The following EPB41L4A variants were observed in gnomAD, a reference collection of about 807,000 sequenced individuals.
EPB41L4A encodes the protein erythrocyte membrane protein band 4.1 like 4A.
A neutral mutation model predicts 108.6 loss-of-function variants in EPB41L4A; 100 were observed. That is an observed-to-expected ratio of 0.92 (90% CI 0.78 to 1.09). EPB41L4A has a LOEUF of 1.09. Among genes scored for constraint, EPB41L4A ranks in the 50% least tolerant of loss-of-function variants. The probability of loss-of-function intolerance (pLI) is 0.00; values close to 1 mark genes in which losing one functional copy is unlikely to be tolerated. For synonymous variants in EPB41L4A, 319 were observed against 289.0 expected (o/e 1.10, Z -1.05); for missense variants, 1,030 against 842.7 (o/e 1.22, Z -2.75).
At chr5:112,299,371 T>G (rs1228757811) in intron 2 of EPB41L4A, among the ~76,000 whole-genome samples, 2 of 152,236 alleles carry the variant, frequency 1.3e-5, no homozygotes, top group Non-Finnish European at 2.9e-5. Context: ...TTGAAGAATT[T>G]TTTCCACTAT....
chr5:112,212,572 G>C (rs1187979147), intron 12 of EPB41L4A, among the ~76,000 whole-genome samples: 1 of 152,192 alleles, frequency 6.6e-6, no homozygotes, highest in East Asian at 1.9e-4. Flanking sequence ...TGGGATTACA[G>C]GTGTGAGCCA....
chr5:112,200,267 T>A (rs944395903), intron 15 of EPB41L4A, among the ~76,000 whole-genome samples: 1 of 152,180 alleles, frequency 6.6e-6, no homozygotes, highest in Non-Finnish European at 1.5e-5. Context: ...GGCGCAAGCA[T>A]CCAACCTCAG....
intron 1 of EPB41L4A, among the ~76,000 whole-genome samples, chr5:112,319,017 C>T (rs1755596691): frequency 6.6e-6 from 1 of 152,150 alleles, no homozygotes; most frequent in South Asian, 2.1e-4. Flanking sequence ...AACAGAGCAA[C>T]AACACCTCAA....
intron 12 of EPB41L4A, chr5:112,146,116 C>T (rs567624513): frequency 1.1e-5 from 4 of 363,662 alleles, no homozygotes; most frequent in Admixed American, 7.6e-5. Context: ...CTTACAGAAT[C>T]GAGACCACAT....
chr5:112,349,154 G>A (rs1048591172), intron 1 of EPB41L4A, among the ~76,000 whole-genome samples: 3 of 152,204 alleles, frequency 2.0e-5, no homozygotes, highest in African/African-American at 4.8e-5. Context: ...TGGCAGGTGT[G>A]AGTGCCAGAC....
chr5:112,361,010 C>G (rs960843733), intron 1 of EPB41L4A, among the ~76,000 whole-genome samples: 5 of 152,218 alleles, frequency 3.3e-5, no homozygotes, highest in Non-Finnish European at 5.9e-5. Flanking sequence ...GCCGCCCTGT[C>G]TGAGAGGTGT....
At chr5:112,316,835 T>TG (rs1755457025) in intron 1 of EPB41L4A, among the ~76,000 whole-genome samples, 1 of 152,182 alleles carries the variant, frequency 6.6e-6, no homozygotes, top group African/African-American at 2.4e-5. Flanking sequence ...GAACCCAGGA[T>TG]GGCTTCATTC....
At chr5:112,321,713 T>G (rs1032936127) in intron 1 of EPB41L4A, among the ~76,000 whole-genome samples, 1 of 152,172 alleles carries the variant, frequency 6.6e-6, no homozygotes, top group African/African-American at 2.4e-5. Flanking sequence ...AAGGGCTTTT[T>G]AAAATATAAT....
At chr5:112,258,685 G>C (rs1307603706) in intron 9 of EPB41L4A, among the ~76,000 whole-genome samples, 1 of 152,112 alleles carries the variant, frequency 6.6e-6, no homozygotes, top group Non-Finnish European at 1.5e-5. Context: ...CAAGTTCTGT[G>C]CCCATTACCC....
intron 7 of EPB41L4A, 111 bp downstream of exon 7, chr5:112,262,383 T>A: frequency 2.4e-6 from 2 of 829,704 alleles, no homozygotes; most frequent in Non-Finnish European, 4.0e-6. Context: ...TAAAAAAGTA[T>A]CATCTGCTTG....
At chr5:112,158,680 C>A (rs951924057), downstream of EPB41L4A, among the ~76,000 whole-genome samples, 2 of 152,316 alleles carry the variant, frequency 1.3e-5, no homozygotes, top group South Asian at 2.1e-4. Context: ...CAAACACATC[C>A]TTTTGCACAT....
chr5:112,303,666 C>A lies in EPB41L4A; in HGVS notation c.204+3720G>T, dbSNP rs147707539. Among the ~76,000 whole-genome samples, 483 of 152,152 alleles carry A rather than the reference C, an allele frequency of 3.2e-3. 23 individuals carry two copies. Among genetic ancestry groups the A allele is most frequent in the Admixed American group, 0.029 (440 of 15,284 alleles). On this transcript the variant is annotated intron_variant, in intron 2 of 22. Transcript: ENST00000261486. ...GTTAGTGTCAAAGCAAAAGAAAGGTCAAGTAAGACAAGGACTGACAGAGTC... is the reference window on the plus strand; with the variant it reads ...GTTAGTGTCAAAGCAAAAGAAAGGTAAAGTAAGACAAGGACTGACAGAGTC...
rs1471733910 is a variant in EPB41L4A at position 112,292,318 on chromosome 5, A to G, written c.205-11995T>C. Among the ~76,000 whole-genome samples, 5 of 152,204 alleles carry G rather than the reference A, an allele frequency of 3.3e-5. No homozygotes were observed. The South Asian group carries it at 1.0e-3, about 32-fold the overall frequency. Reference sequence around the variant, plus strand: ...TAAGGATATAACTCTAAAAAATGTTAAACAAGAAACTTCCTGAATATCCTC... The same window carrying G: ...TAAGGATATAACTCTAAAAAATGTTGAACAAGAAACTTCCTGAATATCCTC... On this transcript the variant is annotated intron_variant, in intron 2 of 22. Coordinates refer to ENST00000261486, the MANE Select transcript of EPB41L4A (RefSeq NM_022140.5).
chr5:112,390,216 A>G (rs867257190), intron 1 of EPB41L4A, among the ~76,000 whole-genome samples: 30 of 152,332 alleles, frequency 2.0e-4, no homozygotes, highest in Middle Eastern at 3.4e-3. Context: ...TGCAGCCCAC[A>G]GAGGGTGAGC....
At chr5:112,349,104 G>T (rs989592746) in intron 1 of EPB41L4A, among the ~76,000 whole-genome samples, 2 of 152,212 alleles carry the variant, frequency 1.3e-5, no homozygotes, top group Admixed American at 6.5e-5. Context: ...TCTGGCATCG[G>T]AAGGTTGGTG....
intron 1 of EPB41L4A, among the ~76,000 whole-genome samples, chr5:112,342,826 A>C (rs1190178434): frequency 6.6e-6 from 1 of 152,148 alleles, no homozygotes; most frequent in Non-Finnish European, 1.5e-5. Flanking sequence ...TTTTGTAGTA[A>C]ATTGCTACAC....
chr5:112,204,316 GGCCT>G, intron 15 of EPB41L4A, 55 bp downstream of exon 15: 1 of 1,146,898 alleles, frequency 8.7e-7, no homozygotes. Context: ...TATAAAGTCA[GGCCT>G]GGGACAAAAT....
intron 7 of EPB41L4A, among the ~76,000 whole-genome samples, chr5:112,261,736 A>G (rs1020801837): frequency 6.6e-6 from 1 of 152,232 alleles, no homozygotes; most frequent in African/African-American, 2.4e-5. Context: ...GGTAACCTTC[A>G]TATTGACAGA....
Position 112,418,476 on chromosome 5 carries a change from A to G in EPB41L4A, c.99+465T>C, listed in dbSNP as rs146702312. The stretch of plus-strand genomic sequence containing the variant: ...CATTACCCAACTACGAACCCACGCA[A>G]AACAATCACAATGACCCATTAATGC... On this transcript the variant is annotated intron_variant, in intron 1 of 22. Transcript: ENST00000261486. Among the ~76,000 whole-genome samples, 727 of 152,262 alleles carry G rather than the reference A, an allele frequency of 4.8e-3. 5 individuals are homozygous for G. Among genetic ancestry groups the G allele is most frequent in the African/African-American group, 0.016 (667 of 41,552 alleles).
Sources: gnomAD v4.1 joint callset for allele counts (sites outside exome capture counted in the v4.1 genomes callset) on GRCh38, gnomAD v4.1.1 for gene constraint, MANE v1.5 for transcripts, NCBI Gene and HGNC (gene_info 2026-07-23, HGNC 2026-07-21) for gene names.